MAST2: variants seen among roughly 807,000 people sequenced by gnomAD.
MAST2 encodes microtubule associated serine/threonine kinase 2.
In MAST2, 70 loss-of-function variants were observed where a neutral mutation model predicts 147.4. The observed-to-expected ratio is 0.47, with a 90% CI of 0.39 to 0.58. MAST2 has a LOEUF of 0.58. Among genes scored for constraint, MAST2 ranks in the 20% least tolerant of loss-of-function variants. MAST2 has a pLI of 0.00. For synonymous variants in MAST2, 869 were observed against 896.8 expected (o/e 0.97, Z 0.55); for missense variants, 2,080 against 2,302.3 (o/e 0.90, Z 1.98).
At chr1:45,837,371 GTATA>G (rs1228218801) in intron 3 of MAST2, among the ~76,000 whole-genome samples, 2 of 152,226 alleles carry the variant, frequency 1.3e-5, no homozygotes, top group African/African-American at 4.8e-5. Flanking sequence ...GAATCATACA[GTATA>G]TAGTCTTTTG....
At chr1:45,966,015 C>T (rs920184146) in intron 5 of MAST2, among the ~76,000 whole-genome samples, 3 of 152,182 alleles carry the variant, frequency 2.0e-5, no homozygotes, top group Non-Finnish European at 2.9e-5. Context: ...TATCTGTGCT[C>T]TGCCTATTTA....
chr1:46,018,859 C>G (rs967425386), intron 10 of MAST2, among the ~76,000 whole-genome samples: 2 of 152,224 alleles, frequency 1.3e-5, no homozygotes, highest in Admixed American at 6.5e-5. Flanking sequence ...GTGCCTGAAA[C>G]TGCACGCCCA....
chr1:45,928,842 T>C (rs1237824766), intron 4 of MAST2, among the ~76,000 whole-genome samples: 6 of 152,184 alleles, frequency 3.9e-5, no homozygotes, highest in Non-Finnish European at 8.8e-5. Context: ...CTTTTTTTTT[T>C]TCCTTGCAAT....
chr1:45,932,823 T>G (rs1655532977), intron 4 of MAST2, among the ~76,000 whole-genome samples: 1 of 152,160 alleles, frequency 6.6e-6, no homozygotes, highest in Non-Finnish European at 1.5e-5. Context: ...TTTGTGTCTT[T>G]TTGATGTCTC....
rs150472312 is a variant in MAST2, at chr1:45,854,565, T to C, written c.468+24984T>C. Among the ~76,000 whole-genome samples, 1,109 of 152,268 alleles carry C rather than the reference T, an allele frequency of 7.3e-3. 14 individuals are homozygous for C. The highest frequency in any genetic ancestry group is 0.026 in the African/African-American group (1,060 of 41,558). ...TCTACATAAATTTTAGAATAAGCTT[T>C]TTTATATCTACAAAAAGTCTTGCTG... is the stretch of plus-strand genomic sequence containing the variant. On this transcript the variant is annotated intron_variant, in intron 3 of 28. Coordinates refer to ENST00000361297, the MANE Select transcript of MAST2 (RefSeq NM_015112.3).
At chr1:45,876,208 T>C (rs186155744) in intron 3 of MAST2, among the ~76,000 whole-genome samples, 53 of 152,302 alleles carry the variant, frequency 3.5e-4, no homozygotes, top group African/African-American at 7.5e-4. Context: ...TTAAATGGGC[T>C]GGTAAGGTCT....
chr1:45,973,311 T>C (rs1002689999), intron 5 of MAST2, among the ~76,000 whole-genome samples: 1 of 152,208 alleles, frequency 6.6e-6, no homozygotes, highest in Non-Finnish European at 1.5e-5. Context: ...CCTAGATCTG[T>C]ACTTTAGACC....
chr1:46,021,558 GGCTTTGCCAAA>G (rs1386607338), intron 11 of MAST2, among the ~76,000 whole-genome samples: 1 of 152,178 alleles, frequency 6.6e-6, no homozygotes, highest in Non-Finnish European at 1.5e-5. Context: ...GCACCAGTAG[GGCTTTGCCAAA>G]GCTCTTGTGA....
intron 4 of MAST2, among the ~76,000 whole-genome samples, chr1:45,946,121 A>G (rs1557946210): frequency 6.6e-6 from 1 of 152,216 alleles, no homozygotes; most frequent in East Asian, 1.9e-4. Context: ...ACTGTCCTGG[A>G]CACTGGAAAT....
chr1:45,946,763 A>G (rs1021143932), intron 4 of MAST2, among the ~76,000 whole-genome samples: 3 of 152,018 alleles, frequency 2.0e-5, no homozygotes, highest in Non-Finnish European at 4.4e-5. Context: ...CGCTCTCTTT[A>G]TTGTGTCCTG....
At chr1:45,963,895 G>C (rs1431389654) in intron 5 of MAST2, among the ~76,000 whole-genome samples, 2 of 151,724 alleles carry the variant, frequency 1.3e-5, no homozygotes, top group Non-Finnish European at 3.0e-5. Context: ...CTGTGGGTTT[G>C]TCATAATTTA....
At position 46,003,011 on chromosome 1, in the gene MAST2, T is replaced by G. The variant is rs1645336670; in HGVS notation, c.747+128T>G. 24 of 915,452 alleles carry G rather than the reference T, an allele frequency of 2.6e-5. No individual in the cohort carries two copies. The East Asian group carries it at 6.0e-4, about 23-fold the overall frequency. 56.7% of individuals were successfully genotyped at this position (915,452 alleles called of 1,614,324 possible). On this transcript the variant is annotated intron_variant, in intron 7 of 28. Transcript: ENST00000361297. Reference sequence around the variant, plus strand: ...CAAACTCAGAGAGGTTGCTGAGAGATGATGTTGGGTGCAACAGAGGGCTGG... The same window carrying G: ...CAAACTCAGAGAGGTTGCTGAGAGAGGATGTTGGGTGCAACAGAGGGCTGG...
At chr1:45,980,653 G>A (rs1307229975) in intron 5 of MAST2, among the ~76,000 whole-genome samples, 3 of 152,108 alleles carry the variant, frequency 2.0e-5, no homozygotes, top group Non-Finnish European at 4.4e-5. Context: ...TCCCACCTCA[G>A]CCTCCCGATT....
At chr1:45,933,637 C>G (rs535198220) in intron 4 of MAST2, among the ~76,000 whole-genome samples, 6 of 151,738 alleles carry the variant, frequency 4.0e-5, no homozygotes, top group Non-Finnish European at 8.8e-5. Context: ...ACCTGTAATC[C>G]CAGCTACTCG....
chr1:45,827,206 T>G (rs1199039951), intron 2 of MAST2, among the ~76,000 whole-genome samples: 1 of 152,236 alleles, frequency 6.6e-6, no homozygotes, highest in Non-Finnish European at 1.5e-5. Context: ...TCTGCCATCT[T>G]TAACTGAGAA....
intron 4 of MAST2, among the ~76,000 whole-genome samples, chr1:45,958,450 C>T (rs1659952239): frequency 1.3e-5 from 2 of 151,974 alleles, no homozygotes; most frequent in South Asian, 2.1e-4. Flanking sequence ...TCAGACTTCA[C>T]TTCCCTAGTT....
At chr1:46,005,748 C>T (rs1291056402) in intron 7 of MAST2, among the ~76,000 whole-genome samples, 1 of 152,224 alleles carries the variant, frequency 6.6e-6, no homozygotes, top group African/African-American at 2.4e-5. Flanking sequence ...TTGCTAACCC[C>T]TGGCACAATA....
At chr1:45,912,880 C>T (rs111997709) in intron 4 of MAST2, among the ~76,000 whole-genome samples, 1 of 152,170 alleles carries the variant, frequency 6.6e-6, no homozygotes, top group African/African-American at 2.4e-5. Context: ...CTGTGCTAGG[C>T]ACTTTGCTGT....
chr1:46,033,333 G>A (rs948493766), intron 26 of MAST2, among the ~76,000 whole-genome samples: 24 of 151,954 alleles, frequency 1.6e-4, no homozygotes, highest in Non-Finnish European at 1.5e-4. Flanking sequence ...CAGCTACTTG[G>A]GAGGCTGAGG....
Sources: allele counts gnomAD v4.1 joint callset (sites outside exome capture counted in the v4.1 genomes callset), GRCh38; gene constraint gnomAD v4.1.1; transcripts MANE v1.5; gene names NCBI Gene and HGNC (gene_info 2026-07-23, HGNC 2026-07-21).